PTCD3: variants seen among roughly 807,000 people sequenced by gnomAD.
PTCD3 encodes small ribosomal subunit protein mS39.
PTCD3 carries 89 observed loss-of-function variants against 101.9 expected under a neutral mutation model. The ratio of observed to expected loss-of-function variants is 0.87; its 90% CI spans 0.74 to 1.04. The LOEUF (loss-of-function observed/expected upper bound fraction) is 1.04, where lower values mean the gene tolerates loss of function less well. PTCD3 is among the 50% of genes least tolerant of loss of function. The probability of loss-of-function intolerance (pLI) is 0.00; values close to 1 mark genes in which losing one functional copy is unlikely to be tolerated. For missense variants in PTCD3, 870 were observed against 828.2 expected, an observed-to-expected ratio of 1.05 and a Z score of -0.62; for synonymous variants, 296 against 278.5, an observed-to-expected ratio of 1.06 and a Z score of -0.63.
Position 86,136,567 on chromosome 2 carries a change from G to T in PTCD3, c.1820+5G>T. The T allele has an allele frequency of 6.2e-7, 1 of 1,611,404 alleles. No homozygotes were observed. Among genetic ancestry groups the T allele is most frequent in the Non-Finnish European group, 8.5e-7 (1 of 1,177,496 alleles). On this transcript the variant is annotated splice_donor_5th_base_variant and intron_variant, in intron 22 of 23. Transcript: ENST00000254630. ...GAAGCATAATAAGATTCCTAGGTAA[G>T]TTGAAATCAGCCAGCTCTCTTTGGG... is the stretch of plus-strand genomic sequence containing the variant.
At chr2:86,112,681 C>CAAAAA (rs397953846) in intron 4 of PTCD3, among the ~76,000 whole-genome samples, 2 of 81,310 alleles carry the variant, frequency 2.5e-5, no homozygotes, top group South Asian at 4.1e-4. Context: ...GACTCTGTCT[C>CAAAAA]AAAAAAAAAA....
rs1425688169 is a variant in PTCD3, at chr2:86,137,553, C to T, written c.2064C>T (p.Gly688=). ...SSDSDSDTSE[G]K is the part of the protein sequence containing the mutation. ...ACAGCGACAGTGACACCAGTGAAGG[C>T]AAATGAAAGTGGAGATTCAGGAGCA... Residue 688 remains glycine, a synonymous_variant, in exon 24 of 24, where the codon GGC becomes GGT. Transcript: ENST00000254630. 2 of 1,596,546 alleles carry T rather than the reference C, an allele frequency of 1.3e-6. No homozygotes were observed. Among genetic ancestry groups the T allele is most frequent in the South Asian group, 1.1e-5 (1 of 89,884 alleles).
intron 4 of PTCD3, among the ~76,000 whole-genome samples, chr2:86,114,242 A>T (rs1185102853): frequency 6.6e-6 from 1 of 152,118 alleles, no homozygotes; most frequent in African/African-American, 2.4e-5. Context: ...TAGCACTGAG[A>T]AGGGGTTGTA....
intron 14 of PTCD3, among the ~76,000 whole-genome samples, chr2:86,130,304 A>G (rs1346692578): frequency 6.6e-6 from 1 of 152,198 alleles, no homozygotes; most frequent in Non-Finnish European, 1.5e-5. Flanking sequence ...CATCTCAAAA[A>G]AAAAAAAATT....
At chr2:86,127,745 T>G (rs1218172282) in intron 13 of PTCD3, 196 bp from the exon 14 acceptor site, 2 of 580,310 alleles carry the variant, frequency 3.4e-6, no homozygotes, top group Non-Finnish European at 3.0e-6. Context: ...TTTCAAAAAG[T>G]GATACAGTCT....
At chr2:86,108,670 G>A in intron 3 of PTCD3, 134 bp downstream of exon 3, 1 of 852,698 alleles carries the variant, frequency 1.2e-6, no homozygotes. Context: ...TGAGCGGGGA[G>A]AAGCTAGGAG....
At chr2:86,120,100 A>C (rs757825482) in intron 7 of PTCD3, among the ~76,000 whole-genome samples, 48 of 152,234 alleles carry the variant, frequency 3.2e-4, no homozygotes, top group Non-Finnish European at 4.7e-4. Flanking sequence ...GTACAGCATC[A>C]GATGTATGGC....
intron 8 of PTCD3, among the ~76,000 whole-genome samples, chr2:86,123,155 C>T (rs551122174): frequency 1.9e-3 from 290 of 151,788 alleles, no homozygotes; most frequent in Admixed American, 3.8e-3. Context: ...CCAGCTACTC[C>T]GGAGGCTGAG....
At chr2:86,132,624 T>TG (rs570100576) in intron 17 of PTCD3, 200 bp downstream of exon 17, 10 of 30,666 alleles carry the variant, frequency 3.3e-4, no homozygotes, top group Admixed American at 1.9e-3. Flanking sequence ...CTTTAAGGGT[T>TG]TTTTTTTTTT....
intron 3 of PTCD3, 165 bp downstream of exon 3, chr2:86,108,701 A>T: frequency 1.7e-6 from 1 of 601,806 alleles, no homozygotes; most frequent in Non-Finnish European, 2.8e-6. Flanking sequence ...AAAAAATGGA[A>T]AGGTGGAGAA....
intron 14 of PTCD3, among the ~76,000 whole-genome samples, chr2:86,128,334 G>T (rs1043770173): frequency 6.6e-6 from 1 of 150,858 alleles, no homozygotes; most frequent in Non-Finnish European, 1.5e-5. Context: ...CTTGTTTGTG[G>T]TCTAAAACTT....
chr2:86,129,687 A>G (rs925389165), intron 14 of PTCD3, among the ~76,000 whole-genome samples: 4 of 152,208 alleles, frequency 2.6e-5, no homozygotes, highest in African/African-American at 4.8e-5. Flanking sequence ...GAGAGAGCCT[A>G]AAATAACCTA....
Position 86,140,951 on chromosome 2 carries a change from C to T in PTCD3, c.*3392C>T, listed in dbSNP as rs894546800. 2.7e-5 allele frequency: 4 copies of T among 150,806 alleles called. No individual in the cohort carries two copies. The highest frequency in any genetic ancestry group is 2.6e-4 in the Admixed American group (4 of 15,124). The allele number at this position is 150,806 out of a possible 1,614,324, so 9.3% of individuals were successfully genotyped here. A position where few individuals can be genotyped will look rare whatever the true frequency, so the allele number is the denominator to read the frequency against. On this transcript the variant is annotated 3_prime_UTR_variant, in exon 24 of 24. Coordinates refer to ENST00000254630, the MANE Select transcript of PTCD3 (RefSeq NM_017952.6). Reference sequence around the variant, plus strand: ...AAAAAACTGTCCAGCTGTGGACTTTCAGGATTCAGGACTGCTGGGGATCAA... The same window carrying T: ...AAAAAACTGTCCAGCTGTGGACTTTTAGGATTCAGGACTGCTGGGGATCAA...
chr2:86,125,060 C>G lies in PTCD3; in HGVS notation c.782C>G (p.Thr261Arg), dbSNP rs1558797625. Residue 261 changes from threonine to arginine, a missense_variant, in exon 10 of 24, where the codon ACA becomes AGA. By Grantham distance (71) the Thr-to-Arg change is moderately conservative (BLOSUM62 -1). Transcript: ENST00000254630. ...MPEKNEHSYC[T>R]MIRGMVKHRA... ...GAGAAAAATGAACATTCCTATTGCACAATGATCCGAGGAATGGTGAAGGTA... is the reference window on the plus strand; with the variant it reads ...GAGAAAAATGAACATTCCTATTGCAGAATGATCCGAGGAATGGTGAAGGTA... 2 of 1,614,036 alleles carry G rather than the reference C, an allele frequency of 1.2e-6. No homozygotes were observed. The highest frequency in any genetic ancestry group is 1.7e-6 in the Non-Finnish European group (2 of 1,180,012).
At chr2:86,108,577 G>C in intron 3 of PTCD3, 41 bp downstream of exon 3, 1 of 1,547,418 alleles carries the variant, frequency 6.5e-7, no homozygotes, top group Non-Finnish European at 8.7e-7. Flanking sequence ...ATGGTTGAGT[G>C]CTTACTATGA....
intron 3 of PTCD3, 97 bp from the exon 4 acceptor site, chr2:86,111,016 C>T (rs1200082972): frequency 9.1e-6 from 10 of 1,099,786 alleles, no homozygotes; most frequent in Admixed American, 3.4e-5. Context: ...GAGATCTGCA[C>T]TATGTTATTG....
chr2:86,111,756 T>C (rs1674089308), intron 4 of PTCD3: 1 of 156,020 alleles, frequency 6.4e-6, no homozygotes, highest in African/African-American at 2.4e-5. Flanking sequence ...TGTTTTGTTT[T>C]GTTTGAGACA....
At position 86,137,738 on chromosome 2, in the gene PTCD3, T is replaced by C; in HGVS notation, c.*179T>C. 1 of 805,332 alleles carries C rather than the reference T, an allele frequency of 1.2e-6. No individual in the cohort carries two copies. The highest frequency in any genetic ancestry group is 1.9e-6 in the Non-Finnish European group (1 of 528,028). 49.9% of individuals were successfully genotyped at this position (805,332 alleles called of 1,614,324 possible). ...CTTATGTAGATTTAAGCTGCTAATA[T>C]GCTACTTAACCATCTATTAATGCAC... is the stretch of plus-strand genomic sequence containing the variant. On this transcript the variant is annotated 3_prime_UTR_variant, in exon 24 of 24. Transcript: ENST00000254630.
intron 23 of PTCD3, 131 bp from the exon 24 acceptor site, chr2:86,137,338 A>T: frequency 7.3e-7 from 1 of 1,372,616 alleles, no homozygotes; most frequent in Non-Finnish European, 9.8e-7. Flanking sequence ...TTTCTAATAT[A>T]GTTTAATGCA....
Sources: allele counts gnomAD v4.1 joint callset (sites outside exome capture counted in the v4.1 genomes callset), GRCh38; gene constraint gnomAD v4.1.1; transcripts MANE v1.5; gene names NCBI Gene and HGNC (gene_info 2026-07-23, HGNC 2026-07-21).